Variants in PCDHGA5 observed in about 807,000 individuals in gnomAD.
PCDHGA5 encodes protocadherin gamma subfamily A, 5, also known as protocadherin gamma-A5.
PCDHGA5 carries 36 observed loss-of-function variants against 56.7 expected under a neutral mutation model. The observed-to-expected ratio is 0.64, with a 90% CI of 0.49 to 0.84. The LOEUF is 0.84. PCDHGA5 is among the 40% of genes least tolerant of loss of function. PCDHGA5 has a pLI of 0.00. For missense variants in PCDHGA5, 1,305 were observed against 1,201.5 expected (o/e 1.09, Z -1.27); for synonymous variants, 563 against 520.2 (o/e 1.08, Z -1.12).
intron 1 of PCDHGA5, chr5:141,392,999 C>A: frequency 6.2e-7 from 1 of 1,613,858 alleles, no homozygotes; most frequent in Non-Finnish European, 8.5e-7. Context: ...TGGCGAAGCA[C>A]GGAGTCCGTA....
intron 3 of PCDHGA5, among the ~76,000 whole-genome samples, chr5:141,508,658 A>G (rs1420910010): frequency 2.0e-5 from 3 of 152,086 alleles, no homozygotes; most frequent in African/African-American, 4.8e-5. Flanking sequence ...CCTTCCTGTC[A>G]TTCTGTCTCT....
chr5:141,440,878 C>A (rs1359689557), intron 1 of PCDHGA5: 1 of 152,146 alleles, frequency 6.6e-6, no homozygotes, highest in Non-Finnish European at 1.5e-5. Context: ...TGTACAGCGT[C>A]GGCCTTCAGG....
chr5:141,488,128 G>T (rs1412334197), intron 1 of PCDHGA5, among the ~76,000 whole-genome samples: 1 of 152,226 alleles, frequency 6.6e-6, no homozygotes, highest in Non-Finnish European at 1.5e-5. Context: ...ACAGCAGAAA[G>T]AGGAGAGAAC....
chr5:141,412,534 A>G (rs1324712420), intron 1 of PCDHGA5: 1 of 152,192 alleles, frequency 6.6e-6, no homozygotes, highest in African/African-American at 2.4e-5. Context: ...ACAATTATAA[A>G]GCTTCAGAGT....
intron 1 of PCDHGA5, chr5:141,400,715 T>C: frequency 1.5e-6 from 1 of 682,576 alleles, no homozygotes; most frequent in Non-Finnish European, 2.4e-6. Context: ...AGTAGCCTTA[T>C]AGATTTACAA....
rs765809429 is a variant in PCDHGA5 at position 141,511,205 on chromosome 5, C to A, written c.*32C>A. On this transcript the variant is annotated 3_prime_UTR_variant, in exon 4 of 4. Coordinates refer to ENST00000518069, the MANE Select transcript of PCDHGA5 (RefSeq NM_018918.3). ...GGCCAGGCCAAGAGCCACAGGGCGGCCTCTCCCCAACCAGCCCAGCTTCTC... is the reference window on the plus strand; with the variant it reads ...GGCCAGGCCAAGAGCCACAGGGCGGACTCTCCCCAACCAGCCCAGCTTCTC... 4.3e-6 allele frequency: 7 copies of A among 1,611,426 alleles called. No homozygotes were observed. The Admixed American group carries it at 6.7e-5, about 15-fold the overall frequency.
At chr5:141,373,898 A>AT (rs1769937255) in intron 1 of PCDHGA5, 1 of 541,162 alleles carries the variant, frequency 1.8e-6, no homozygotes, top group Non-Finnish European at 3.1e-6. Flanking sequence ...CTCAAGTTAC[A>AT]TCCTCCAACA....
At position 141,404,735 on chromosome 5, in the gene PCDHGA5, G is replaced by A. The variant is rs2094561317; in HGVS notation, c.2421+37984G>A. The stretch of plus-strand genomic sequence containing the variant: ...CCTGGTGACCAAGGTGGTGGCAGTG[G>A]ACAGAGACTCAGGCCAGAATGCTTG... On this transcript the variant is annotated intron_variant, in intron 1 of 3. Transcript: ENST00000518069. 6.2e-7 allele frequency: 1 copy of A among 1,614,014 alleles called. No homozygotes were observed. The highest frequency in any genetic ancestry group is 8.5e-7 in the Non-Finnish European group (1 of 1,180,032).
chr5:141,408,249 T>A, intron 1 of PCDHGA5: 1 of 1,589,992 alleles, frequency 6.3e-7, no homozygotes, highest in Non-Finnish European at 8.6e-7. Flanking sequence ...CCGCGGCAGG[T>A]GCTATTTCCT....
chr5:141,432,084 T>A lies in PCDHGA5; in HGVS notation c.2422-62723T>A, dbSNP rs1372151428. 1.2e-6 allele frequency: 2 copies of A among 1,614,186 alleles called. No individual in the cohort carries two copies. Among genetic ancestry groups the A allele is most frequent in the Admixed American group, 1.7e-5 (1 of 60,022 alleles). On this transcript the variant is annotated intron_variant, in intron 1 of 3. Transcript: ENST00000518069. This position sits in a 1 kb window ranked among gnomAD's most constrained non-coding sequence, Gnocchi z 6.0. Reference sequence around the variant, plus strand: ...ACGGAAACTCATATCTCGCTGAACGTGGCAGACACCAACGACAACCCGCCG... The same window carrying A: ...ACGGAAACTCATATCTCGCTGAACGAGGCAGACACCAACGACAACCCGCCG...
At chr5:141,484,300 C>G (rs927710366) in intron 1 of PCDHGA5, among the ~76,000 whole-genome samples, 1 of 152,190 alleles carries the variant, frequency 6.6e-6, no homozygotes, top group Non-Finnish European at 1.5e-5. Context: ...CTCCTGGCTT[C>G]CTCCACCCCG....
Position 141,366,253 on chromosome 5 carries a change from C to T in PCDHGA5, c.1923C>T (p.Ser641=). The T allele has an allele frequency of 1.9e-6, 3 of 1,613,750 alleles. No homozygotes were observed. The highest frequency in any genetic ancestry group is 1.7e-6 in the Non-Finnish European group (2 of 1,180,034). ...TGGACAGAGACGCGCTCAAGCAGAG[C>T]CTCGTGGTGGCCGTCGAAGACCATG... The part of the protein sequence containing the change: ...ALLDRDALKQ[S]LVVAVEDHGQ... The change falls in exon 1 of 4, where the codon AGC becomes AGT. Residue 641 remains serine, a synonymous_variant. Transcript: ENST00000518069.
intron 1 of PCDHGA5, among the ~76,000 whole-genome samples, chr5:141,454,796 ATTTTTTTTTTT>A (rs61612330): frequency 0.01 from 775 of 77,498 alleles, 10 homozygotes; most frequent in African/African-American, 0.043. Context: ...CATGGTTCTA[ATTTTTTTTTTT>A]TTTTTTTTTT....
intron 1 of PCDHGA5, chr5:141,371,845 A>G: frequency 6.2e-7 from 1 of 1,613,664 alleles, no homozygotes; most frequent in Non-Finnish European, 8.5e-7. Flanking sequence ...TTGGGACCTA[A>G]TGGCCTTGTC....
At chr5:141,482,530 CAAAAAAAAA>C (rs3074545) in intron 1 of PCDHGA5, among the ~76,000 whole-genome samples, 16 of 76,560 alleles carry the variant, frequency 2.1e-4, no homozygotes, top group African/African-American at 7.7e-4. Context: ...GACAGACATG[CAAAAAAAAA>C]AAAAAAAAAA....
intron 1 of PCDHGA5, chr5:141,421,287 C>T: frequency 1.2e-6 from 2 of 1,613,240 alleles, no homozygotes; most frequent in Non-Finnish European, 1.7e-6. Flanking sequence ...TGTGCATTTT[C>T]CTGGGGACGC....
chr5:141,393,731 T>C (rs1268576228), intron 1 of PCDHGA5: 1 of 1,613,754 alleles, frequency 6.2e-7, no homozygotes, highest in Non-Finnish European at 8.5e-7. Context: ...TAGCAAAAAG[T>C]CTAGATTATG....
intron 1 of PCDHGA5, chr5:141,403,212 CG>C (rs1561686781): frequency 6.2e-7 from 1 of 1,613,952 alleles, no homozygotes; most frequent in African/African-American, 1.3e-5. Context: ...TTGGTCACCG[CG>C]GGTAGGATAG....
At chr5:141,492,241 C>G (rs1351937353) in intron 1 of PCDHGA5, among the ~76,000 whole-genome samples, 2 of 152,186 alleles carry the variant, frequency 1.3e-5, no homozygotes, top group East Asian at 3.9e-4. Context: ...TGCTGGCCAC[C>G]CCCACGGCCC....
Sources: allele counts gnomAD v4.1 joint callset (sites outside exome capture counted in the v4.1 genomes callset), GRCh38; gene constraint gnomAD v4.1.1; non-coding constraint Gnocchi (gnomAD v3.1); transcripts MANE v1.5; gene names NCBI Gene and HGNC (gene_info 2026-07-23, HGNC 2026-07-21).